Variants in MCTP1 observed in about 807,000 individuals in gnomAD.
MCTP1 encodes the protein multiple C2 and transmembrane domain-containing protein 1.
In MCTP1, 69 loss-of-function variants were observed where a neutral mutation model predicts 120.6. The ratio of observed to expected loss-of-function variants is 0.57; its 90% CI spans 0.47 to 0.70. The LOEUF (loss-of-function observed/expected upper bound fraction) is 0.70. MCTP1 is among the 30% of genes least tolerant of loss of function. The pLI is 0.00. For synonymous variants in MCTP1, 529 were observed against 493.1 expected, an observed-to-expected ratio of 1.07 and a Z score of -0.96; for missense variants, 1,203 against 1,248.8, an observed-to-expected ratio of 0.96 and a Z score of 0.55.
intron 1 of MCTP1, among the ~76,000 whole-genome samples, chr5:95,102,096 C>G (rs964172630): frequency 2.6e-5 from 4 of 152,120 alleles, no homozygotes; most frequent in African/African-American, 7.2e-5. Flanking sequence ...AATTTACTTT[C>G]CCTCCCCTTG....
intron 1 of MCTP1, among the ~76,000 whole-genome samples, chr5:95,187,825 A>C (rs567282283): frequency 6.6e-6 from 1 of 152,340 alleles, no homozygotes; most frequent in African/African-American, 2.4e-5. Context: ...GGGTGACTAT[A>C]GTCAATATTA....
chr5:95,212,405 T>C (rs1228395429), intron 1 of MCTP1, among the ~76,000 whole-genome samples: 1 of 151,888 alleles, frequency 6.6e-6, no homozygotes, highest in Non-Finnish European at 1.5e-5. Flanking sequence ...CAGGACCAGA[T>C]GGATTCACAG....
intron 1 of MCTP1, among the ~76,000 whole-genome samples, chr5:95,195,377 G>A (rs80223695): frequency 0.014 from 2,167 of 152,226 alleles, 58 homozygotes; most frequent in African/African-American, 0.05. Flanking sequence ...AGAGTGAGAC[G>A]GTGTTTCATG....
Position 94,812,799 on chromosome 5 carries a change from A to G in MCTP1, c.2437-13667T>C, listed in dbSNP as rs183546266. On this transcript the variant is annotated intron_variant, in intron 17 of 22. Transcript: ENST00000515393. The stretch of plus-strand genomic sequence containing the variant: ...TAAAAAAAAAAAAAGGTGATACAAA[A>G]TGGATCATAGAACTAAAACCATAAA... Among the ~76,000 whole-genome samples the G allele has an allele frequency of 3.3e-4, 50 of 151,742 alleles. 1 individual carries two copies. The highest frequency in any genetic ancestry group is 3.4e-3 in the Middle Eastern group (1 of 292).
chr5:94,968,688 A>C (rs2153571687), intron 2 of MCTP1, among the ~76,000 whole-genome samples: 1 of 152,366 alleles, frequency 6.6e-6, no homozygotes, highest in East Asian at 1.9e-4. Flanking sequence ...TAAAACCACA[A>C]GATGGCAATA....
At chr5:94,906,100 T>C (rs567518709) in intron 10 of MCTP1, among the ~76,000 whole-genome samples, 2 of 152,258 alleles carry the variant, frequency 1.3e-5, no homozygotes, top group South Asian at 2.1e-4. Flanking sequence ...GGTCATTGAA[T>C]TGAACAATGT....
chr5:95,027,061 C>A (rs1839395363), intron 1 of MCTP1, among the ~76,000 whole-genome samples: 1 of 152,046 alleles, frequency 6.6e-6, no homozygotes, highest in Non-Finnish European at 1.5e-5. Flanking sequence ...TTTTCAAAAA[C>A]AGAATTCAAA....
intron 1 of MCTP1, chr5:95,024,083 G>A (rs1288470553): frequency 4.5e-6 from 2 of 448,702 alleles, no homozygotes; most frequent in South Asian, 1.6e-5. Flanking sequence ...TCTTTGTTGT[G>A]CAGAAGCTTT....
At position 95,104,178 on chromosome 5, in the gene MCTP1, CT is replaced by C. The variant is rs565489646; in HGVS notation, c.721-86695del. On this transcript the variant is annotated intron_variant, in intron 1 of 22. Transcript: ENST00000515393. ...CACGGCATATTTAGACTTACCCCCC[CT>C]CCCAAGTTTCAGAAGTGAAATTTAG... Among the ~76,000 whole-genome samples the C allele has an allele frequency of 2.0e-3, 304 of 152,288 alleles. 2 individuals carry two copies. The highest frequency in any genetic ancestry group is 7.0e-3 in the African/African-American group (289 of 41,532).
chr5:94,973,462 A>G (rs456156), intron 2 of MCTP1, among the ~76,000 whole-genome samples: 34,180 of 152,028 alleles, frequency 0.22, 3,975 homozygotes, highest in Non-Finnish European at 0.24. Context: ...GGTTACACCC[A>G]CTCAGTGAAT....
At chr5:94,952,787 C>T (rs1820954958) in intron 3 of MCTP1, among the ~76,000 whole-genome samples, 1 of 151,988 alleles carries the variant, frequency 6.6e-6, no homozygotes, top group Admixed American at 6.6e-5. Flanking sequence ...TTTTTCTCCC[C>T]CATCACCTTC....
chr5:94,862,552 T>C (rs1796007102), intron 17 of MCTP1, among the ~76,000 whole-genome samples: 2 of 151,770 alleles, frequency 1.3e-5, no homozygotes, highest in South Asian at 4.1e-4. Context: ...TCAGGAAAGA[T>C]TACAGAAAAT....
At chr5:94,806,380 T>C (rs1291713523) in intron 17 of MCTP1, among the ~76,000 whole-genome samples, 1 of 152,214 alleles carries the variant, frequency 6.6e-6, no homozygotes, top group Non-Finnish European at 1.5e-5. Flanking sequence ...TTTTCAGTCA[T>C]ATGAAACAAG....
intron 1 of MCTP1, among the ~76,000 whole-genome samples, chr5:95,062,939 C>T (rs1749648271): frequency 6.6e-6 from 1 of 152,060 alleles, no homozygotes; most frequent in Non-Finnish European, 1.5e-5. Flanking sequence ...CTACCTCAGC[C>T]ACCCAAGTAG....
intron 18 of MCTP1, among the ~76,000 whole-genome samples, chr5:94,796,188 T>C (rs1398035006): frequency 6.6e-6 from 1 of 152,230 alleles, no homozygotes; most frequent in Non-Finnish European, 1.5e-5. Context: ...TTCTTTGCTA[T>C]ACAGACCTGA....
chr5:95,115,902 T>A (rs1462430968), intron 1 of MCTP1, among the ~76,000 whole-genome samples: 1 of 151,444 alleles, frequency 6.6e-6, no homozygotes, highest in African/African-American at 2.4e-5. Flanking sequence ...ACAAATAACA[T>A]AAAATGGAGC....
At chr5:94,742,429 A>AGTATGGT (rs1437955373) in intron 19 of MCTP1, among the ~76,000 whole-genome samples, 1 of 152,124 alleles carries the variant, frequency 6.6e-6, no homozygotes, top group Non-Finnish European at 1.5e-5. Flanking sequence ...ATACTAAGTA[A>AGTATGGT]ATGAAGTACC....
At chr5:95,095,720 G>C (rs1386622654) in intron 1 of MCTP1, among the ~76,000 whole-genome samples, 2 of 152,162 alleles carry the variant, frequency 1.3e-5, no homozygotes, top group African/African-American at 4.8e-5. Context: ...ATTAAAAATT[G>C]AATAGTAGTC....
chr5:94,749,654 C>CAAAAAAAAAAAAAA, intron 19 of MCTP1, among the ~76,000 whole-genome samples: 1 of 50,944 alleles, frequency 2.0e-5, no homozygotes, highest in Non-Finnish European at 3.3e-5. Context: ...GACTTCATCT[C>CAAAAAAAAAAAAAA]AAAAAAAAAA....
Sources: gnomAD v4.1 joint callset for allele counts (sites outside exome capture counted in the v4.1 genomes callset) on GRCh38, gnomAD v4.1.1 for gene constraint, MANE v1.5 for transcripts, NCBI Gene and HGNC (gene_info 2026-07-23, HGNC 2026-07-21) for gene names.